The following SYCE1L variants were observed in gnomAD, a reference collection of about 807,000 sequenced individuals.
SYCE1L encodes the protein synaptonemal complex central element protein 1 like.
In SYCE1L, 51 loss-of-function variants were observed where a neutral mutation model predicts 39.6. The ratio of observed to expected loss-of-function variants is 1.29; its 90% CI spans 1.03 to 1.63. The LOEUF is 1.63. Ranked by LOEUF, SYCE1L falls within the 40% of genes most tolerant of loss-of-function variation. The probability of loss-of-function intolerance (pLI) is 0.00; values close to 1 mark genes in which losing one functional copy is unlikely to be tolerated. For synonymous variants in SYCE1L, 147 were observed against 122.4 expected (o/e 1.20, Z -1.33); for missense variants, 426 against 304.9 (o/e 1.40, Z -2.96).
chr16:77,212,692 A>C, intron 10 of SYCE1L, 46 bp downstream of exon 10: 1 of 1,487,600 alleles, frequency 6.7e-7, no homozygotes, highest in Non-Finnish European at 8.9e-7. Context: ...GGACCGAGTC[A>C]GGAGAGAGCG....
chr16:77,204,625 G>A (rs756651018), intron 1 of SYCE1L, among the ~76,000 whole-genome samples: 2 of 152,012 alleles, frequency 1.3e-5, no homozygotes, highest in Admixed American at 6.6e-5. Flanking sequence ...TTGAAATTAC[G>A]GTATATCCAC....
Position 77,213,109 on chromosome 16 carries a change from G to T in SYCE1L, c.*178G>T, listed in dbSNP as rs1165229896. 1.4e-5 allele frequency: 8 copies of T among 574,468 alleles called. No homozygotes were observed. The highest frequency in any genetic ancestry group is 5.8e-5 in the African/African-American group (3 of 51,796). The allele number at this position is 574,468 out of a possible 1,614,324, so 35.6% of individuals were successfully genotyped here. A position where few individuals can be genotyped will look rare whatever the true frequency, so the allele number is the denominator to read the frequency against. ...GGACCCCTCCCACCAGTCGAGCCCCGGGCGCCGTACAGAGGCTGGGTAAAT... is the reference window on the plus strand; with the variant it reads ...GGACCCCTCCCACCAGTCGAGCCCCTGGCGCCGTACAGAGGCTGGGTAAAT... On this transcript the variant is annotated 3_prime_UTR_variant, in exon 11 of 11. Coordinates refer to ENST00000378644, the MANE Select transcript of SYCE1L (RefSeq NM_001129979.3).
intron 7 of SYCE1L, 96 bp downstream of exon 7, chr16:77,211,372 C>A (rs2054821424): frequency 2.2e-6 from 3 of 1,392,832 alleles, no homozygotes; most frequent in African/African-American, 2.9e-5. Context: ...AGGCTCAATG[C>A]CGCGGGATAG....
In SYCE1L at chr16:77,213,010, C is replaced by T; in HGVS notation, c.*79C>T. The stretch of plus-strand genomic sequence containing the variant: ...AGGCGATGATTTCCGACCATGCTCG[C>T]GTTCTCCGCGGAGTCTGTGCTACAC... On this transcript the variant is annotated 3_prime_UTR_variant, in exon 11 of 11. Transcript: ENST00000378644. 5.1e-6 allele frequency: 7 copies of T among 1,370,240 alleles called. No individual in the cohort carries two copies. In the African/African-American group the frequency reaches 5.9e-5, roughly 12 times the overall value. 84.9% of individuals were successfully genotyped at this position (1,370,240 alleles called of 1,614,324 possible). A position where few individuals can be genotyped will look rare whatever the true frequency, so the allele number is the denominator to read the frequency against.
At chr16:77,199,768 C>T (rs1306104506) in intron 1 of SYCE1L, 7 of 390,726 alleles carry the variant, frequency 1.8e-5, no homozygotes, top group Non-Finnish European at 3.2e-5. Flanking sequence ...ACATGTAGTT[C>T]AGTACGAAAG....
rs958646197 is a variant in SYCE1L at position 77,209,152 on chromosome 16, C to G, written c.304+8C>G. The stretch of plus-strand genomic sequence containing the variant: ...TCTTGGGCAAAAAGCAAGGTATTTA[C>G]CAGTTGCTGTGTCTTCCTTATTCTA... On this transcript the variant is annotated splice_region_variant and intron_variant, in intron 5 of 10. Transcript: ENST00000378644. 5 of 1,551,500 alleles carry G rather than the reference C, an allele frequency of 3.2e-6. No individual in the cohort carries two copies. In the African/African-American group the frequency reaches 6.8e-5, roughly 21 times the overall value.
intron 1 of SYCE1L, chr16:77,202,309 G>A (rs545393128): frequency 6.6e-6 from 1 of 152,180 alleles, no homozygotes; most frequent in Non-Finnish European, 1.5e-5. Context: ...TGGGAAATCT[G>A]ATATAAGGAC....
chr16:77,205,406 G>A (rs2054778926), intron 1 of SYCE1L, among the ~76,000 whole-genome samples: 1 of 108,982 alleles, frequency 9.2e-6, no homozygotes, highest in South Asian at 2.9e-4. Context: ...AGTAACACAG[G>A]CTCATGTTAA....
Position 77,212,149 on chromosome 16 carries a change from C to G in SYCE1L, c.443C>G (p.Ala148Gly). The change falls in exon 8 of 11, where the codon GCC (alanine) becomes GGC (glycine). Residue 148 changes from alanine (A) to glycine (G), a missense_variant. Physicochemically the swap from Ala to Gly is moderately conservative, Grantham distance 60 (BLOSUM62 0). Transcript: ENST00000378644. ...TCGCAGATGCTGGAGCAGCGACTGGCCCGGGAGATCCGTGCCCTGGAGAGA... is the reference window on the plus strand; with the variant it reads ...TCGCAGATGCTGGAGCAGCGACTGGGCCGGGAGATCCGTGCCCTGGAGAGA... ...WEFHMLEQRL[A>G]REIRALERSK... 6.5e-7 allele frequency: 1 copy of G among 1,548,784 alleles called. No homozygotes were observed. The highest frequency in any genetic ancestry group is 8.7e-7 in the Non-Finnish European group (1 of 1,146,350).
chr16:77,211,689 C>G (rs2054823576), intron 7 of SYCE1L, among the ~76,000 whole-genome samples: 1 of 152,168 alleles, frequency 6.6e-6, no homozygotes, highest in Admixed American at 6.5e-5. Flanking sequence ...TTTGCTGTCC[C>G]AAGCTGGTTG....
chr16:77,211,344 C>G (rs2054821207), intron 7 of SYCE1L, 68 bp downstream of exon 7: 1 of 1,526,660 alleles, frequency 6.6e-7, no homozygotes, highest in African/African-American at 1.4e-5. Flanking sequence ...CTGACTGGCC[C>G]AGAGTCCACC....
In SYCE1L at chr16:77,208,456, T is replaced by G; in HGVS notation, c.182-9T>G. On this transcript the variant is annotated splice_polypyrimidine_tract_variant and intron_variant, in intron 3 of 10. Transcript: ENST00000378644. ...ACTCATACAGTGTCTTTTTCCCTTCTTGGCCCAGCAAAGAAGAAATCCAGT... is the reference window on the plus strand; with the variant it reads ...ACTCATACAGTGTCTTTTTCCCTTCGTGGCCCAGCAAAGAAGAAATCCAGT... 1.3e-6 allele frequency: 2 copies of G among 1,551,680 alleles called. No individual in the cohort carries two copies. Among genetic ancestry groups the G allele is most frequent in the Non-Finnish European group, 1.7e-6 (2 of 1,146,998 alleles).
chr16:77,207,830 T>TA (rs947277526), intron 2 of SYCE1L, among the ~76,000 whole-genome samples: 4 of 152,192 alleles, frequency 2.6e-5, no homozygotes, highest in African/African-American at 9.7e-5. Context: ...TCTGCCTTGT[T>TA]GCACTCTGCC....
intron 1 of SYCE1L, among the ~76,000 whole-genome samples, chr16:77,203,989 C>A (rs1282775422): frequency 6.6e-6 from 1 of 151,764 alleles, no homozygotes; most frequent in African/African-American, 2.4e-5. Flanking sequence ...AGTGGAATTT[C>A]TGATCAAGAG....
intron 1 of SYCE1L, among the ~76,000 whole-genome samples, chr16:77,202,785 C>A (rs182670618): frequency 6.6e-6 from 1 of 151,696 alleles, no homozygotes; most frequent in African/African-American, 2.4e-5. Flanking sequence ...AATAATTCAA[C>A]CCAGGAAAAA....
At position 77,208,515 on chromosome 16, in the gene SYCE1L, G is replaced by A; in HGVS notation, c.232G>A (p.Ala78Thr). 3 of 1,551,702 alleles carry A rather than the reference G, an allele frequency of 1.9e-6. No individual in the cohort carries two copies. Among genetic ancestry groups the A allele is most frequent in the Non-Finnish European group, 2.6e-6 (3 of 1,146,998 alleles). The change falls in exon 4 of 11, where the codon GCC (alanine) becomes ACC (threonine). Residue 78 changes from alanine (A) to threonine (T), a missense_variant. Physicochemically the swap from Ala to Thr is moderately conservative, Grantham distance 58 (BLOSUM62 0). Transcript: ENST00000378644. ...ELRETHSLWE[A>T]LHRELDSLNG... Reference sequence around the variant, plus strand: ...GAGAGAGACCCACAGTCTCTGGGAGGCCCTGCATAGGGAATTAGACTCCTG... The same window carrying A: ...GAGAGAGACCCACAGTCTCTGGGAGACCCTGCATAGGGAATTAGACTCCTG...
In SYCE1L at chr16:77,213,107, C is replaced by T. The variant is rs2054838736; in HGVS notation, c.*176C>T. 21 of 581,054 alleles carry T rather than the reference C, an allele frequency of 3.6e-5. No homozygotes were observed. The South Asian group carries it at 8.6e-4, about 24-fold the overall frequency. The allele number at this position is 581,054 out of a possible 1,614,324, so 36.0% of individuals were successfully genotyped here. On this transcript the variant is annotated 3_prime_UTR_variant, in exon 11 of 11. Coordinates refer to ENST00000378644, the MANE Select transcript of SYCE1L (RefSeq NM_001129979.3). ...CCGGACCCCTCCCACCAGTCGAGCCCCGGGCGCCGTACAGAGGCTGGGTAA... is the reference window on the plus strand; with the variant it reads ...CCGGACCCCTCCCACCAGTCGAGCCTCGGGCGCCGTACAGAGGCTGGGTAA...
intron 1 of SYCE1L, chr16:77,200,843 T>C (rs1467370189): frequency 1.3e-5 from 2 of 151,916 alleles, no homozygotes; most frequent in Non-Finnish European, 2.9e-5. Flanking sequence ...TATAGAAATA[T>C]TCAAAGTGTA....
intron 1 of SYCE1L, chr16:77,200,274 G>GTGTATATATATATATATATA (rs1254014728): frequency 8.8e-6 from 1 of 113,582 alleles, no homozygotes; most frequent in African/African-American, 3.5e-5. Flanking sequence ...ATATATATGT[G>GTGTATATATATATATATATA]TATATATATA....
Sources: allele counts gnomAD v4.1 joint callset (sites outside exome capture counted in the v4.1 genomes callset), GRCh38; gene constraint gnomAD v4.1.1; transcripts MANE v1.5; gene names NCBI Gene and HGNC (gene_info 2026-07-23, HGNC 2026-07-21).